Variants in SEPTIN2 observed in about 807,000 individuals in gnomAD.
The protein encoded by SEPTIN2 is septin-2.
A neutral mutation model predicts 46.5 loss-of-function variants in SEPTIN2; 34 were observed. The observed-to-expected ratio is 0.73, with a 90% CI of 0.56 to 0.97. The LOEUF is 0.97. Among genes scored for constraint, SEPTIN2 ranks in the 50% least tolerant of loss-of-function variants. The pLI, the probability that SEPTIN2 is intolerant of heterozygous loss-of-function variation, is 0.00. For missense variants in SEPTIN2, 347 were observed against 448.4 expected (o/e 0.77, Z 2.04); for synonymous variants, 175 against 153.4 (o/e 1.14, Z -1.04).
Position 241,352,959 on chromosome 2 carries a change from G to A in SEPTIN2, c.*1022G>A, listed in dbSNP as rs1253154352. The A allele has an allele frequency of 6.6e-6, 1 of 152,212 alleles. No individual in the cohort carries two copies. Among genetic ancestry groups the A allele is most frequent in the Non-Finnish European group, 1.5e-5 (1 of 68,070 alleles). The allele number at this position is 152,212 out of a possible 1,614,324, so 9.4% of individuals were successfully genotyped here. On this transcript the variant is annotated 3_prime_UTR_variant, in exon 13 of 13. Coordinates refer to ENST00000391971, the MANE Select transcript of SEPTIN2 (RefSeq NM_004404.5). ...CCTGTGGAAATTGGGGTCTGTTGGT[G>A]GGCGTGCCCCTGAAGCCTGGCTTGG...
At chr2:241,320,744 G>A (rs578061378) in intron 1 of SEPTIN2, among the ~76,000 whole-genome samples, 2 of 152,098 alleles carry the variant, frequency 1.3e-5, no homozygotes, top group Admixed American at 1.3e-4. Flanking sequence ...AGCTGAGATC[G>A]CGCCAGTGCA....
chr2:241,342,365 A>T (rs2081364316), intron 7 of SEPTIN2, among the ~76,000 whole-genome samples: 1 of 149,346 alleles, frequency 6.7e-6, no homozygotes. Context: ...ACCCTTCTTG[A>T]GGCTGATTGT....
chr2:241,340,272 G>A (rs963489242), intron 7 of SEPTIN2, among the ~76,000 whole-genome samples: 68 of 152,138 alleles, frequency 4.5e-4, no homozygotes, highest in African/African-American at 1.6e-3. Context: ...TGTTGATGCC[G>A]GTTGGTGTAT....
At chr2:241,335,551 T>C in intron 4 of SEPTIN2, 1 of 622,854 alleles carries the variant, frequency 1.6e-6, no homozygotes, top group East Asian at 2.8e-5. Context: ...GGATAGATGT[T>C]CGAATTCATC....
At chr2:241,344,569 G>A (rs1431254859) in intron 9 of SEPTIN2, among the ~76,000 whole-genome samples, 1 of 152,038 alleles carries the variant, frequency 6.6e-6, no homozygotes, top group Non-Finnish European at 1.5e-5. Flanking sequence ...AAGCGTGGTG[G>A]TGCGCACCTG....
chr2:241,324,038 C>A, intron 1 of SEPTIN2, 178 bp from the exon 2 acceptor site: 1 of 577,296 alleles, frequency 1.7e-6, no homozygotes, highest in East Asian at 2.9e-5. Flanking sequence ...GCTGTCAGTG[C>A]TTAACTTTTC....
chr2:241,340,169 G>C (rs2081063950), intron 7 of SEPTIN2, among the ~76,000 whole-genome samples: 2 of 152,172 alleles, frequency 1.3e-5, no homozygotes, highest in Admixed American at 1.3e-4. Flanking sequence ...TCCTGGTTAT[G>C]TTGCCAGTTT....
chr2:241,342,732 T>G (rs1348157570), intron 7 of SEPTIN2, among the ~76,000 whole-genome samples: 1 of 151,924 alleles, frequency 6.6e-6, no homozygotes, highest in Non-Finnish European at 1.5e-5. Flanking sequence ...GAGACAGGGT[T>G]TCACCATGTT....
At chr2:241,323,457 C>T (rs2077450244) in intron 1 of SEPTIN2, among the ~76,000 whole-genome samples, 1 of 151,960 alleles carries the variant, frequency 6.6e-6, no homozygotes, top group African/African-American at 2.4e-5. Flanking sequence ...GGGGTTTCAC[C>T]ATGTTGGCCA....
chr2:241,338,849 AAT>A (rs1308639930), intron 7 of SEPTIN2, among the ~76,000 whole-genome samples: 42 of 19,638 alleles, frequency 2.1e-3, no homozygotes, highest in Admixed American at 6.1e-3. Context: ...ATAAATATAT[AAT>A]ATATATAAAA....
chr2:241,342,868 C>G (rs1396666209), intron 7 of SEPTIN2, 124 bp from the exon 8 acceptor site: 1 of 624,308 alleles, frequency 1.6e-6, no homozygotes, highest in Non-Finnish European at 2.9e-6. Flanking sequence ...CAGTAACTTT[C>G]GTCATCAGTT....
chr2:241,342,656 C>G (rs1237899148), intron 7 of SEPTIN2, among the ~76,000 whole-genome samples: 1 of 151,066 alleles, frequency 6.6e-6, no homozygotes, highest in Non-Finnish European at 1.5e-5. Flanking sequence ...CTGCCTCAGC[C>G]TCCCCAGCAG....
Position 241,342,973 on chromosome 2 carries a change from G to A in SEPTIN2, c.595-19G>A. ...TACGCAGTTTGCTAAAATTGATCCT[G>A]GTTTTGTCATTCTCTCAGATTCTGG... On this transcript the variant is annotated intron_variant, in intron 7 of 12. Coordinates refer to ENST00000391971, the MANE Select transcript of SEPTIN2 (RefSeq NM_004404.5). 2.1e-6 allele frequency: 3 copies of A among 1,424,034 alleles called. No homozygotes were observed. The highest frequency in any genetic ancestry group is 1.4e-5 in the African/African-American group (1 of 70,842). The allele number at this position is 1,424,034 out of a possible 1,614,324, so 88.2% of individuals were successfully genotyped here.
chr2:241,334,789 A>G (rs2079642543), intron 3 of SEPTIN2, among the ~76,000 whole-genome samples: 1 of 152,240 alleles, frequency 6.6e-6, no homozygotes, highest in South Asian at 2.1e-4. Flanking sequence ...CCTGCTTTGC[A>G]TTCTATTTGT....
intron 1 of SEPTIN2, chr2:241,316,405 G>A (rs949994846): frequency 2.0e-6 from 2 of 993,904 alleles, no homozygotes; most frequent in Non-Finnish European, 2.8e-6. Flanking sequence ...TTCTAACGGT[G>A]CCATTTCCTC....
chr2:241,324,319 T>C (rs755450170), intron 2 of SEPTIN2, 78 bp downstream of exon 2: 34 of 1,121,084 alleles, frequency 3.0e-5, no homozygotes, highest in East Asian at 1.2e-4. Context: ...TCGGGACTTA[T>C]ATGATTCATT....
chr2:241,335,072 T>C, intron 3 of SEPTIN2, 54 bp from the exon 4 acceptor site: 2 of 1,264,920 alleles, frequency 1.6e-6, no homozygotes, highest in South Asian at 2.4e-5. Flanking sequence ...ACTTAACCGA[T>C]TGAATGGTGT....
rs1474552165 is a variant in SEPTIN2, at chr2:241,336,086, A to G, written c.329A>G (p.Asn110Ser). Residue 110 changes from asparagine to serine, a missense_variant, in exon 5 of 13, where the codon AAC becomes AGC. Coordinates refer to ENST00000391971, the MANE Select transcript of SEPTIN2 (RefSeq NM_004404.5). Reference protein sequence around the residue: ...VDTPGYGDAINCRDCFKTIIS... With the variant: ...VDTPGYGDAISCRDCFKTIIS... ...ACCCCTGGCTATGGTGACGCTATCA[A>G]CTGCAGAGATTGGTATGCTCCCCCA... is the stretch of plus-strand genomic sequence containing the variant. The G allele has an allele frequency of 6.2e-7, 1 of 1,614,084 alleles. No homozygotes were observed. The highest frequency in any genetic ancestry group is 8.5e-7 in the Non-Finnish European group (1 of 1,180,028).
chr2:241,343,161 G>A (rs183028342), intron 8 of SEPTIN2, 68 bp downstream of exon 8: 185 of 904,172 alleles, frequency 2.0e-4, no homozygotes, highest in Admixed American at 9.2e-4. Flanking sequence ...TGAGGTGAGA[G>A]AGATTGCCTG....
Sources: allele counts gnomAD v4.1 joint callset (sites outside exome capture counted in the v4.1 genomes callset), GRCh38; gene constraint gnomAD v4.1.1; transcripts MANE v1.5; gene names NCBI Gene and HGNC (gene_info 2026-07-23, HGNC 2026-07-21).